ITGA9: variants seen among roughly 807,000 people sequenced by gnomAD.
ITGA9 encodes integrin alpha-9.
A neutral mutation model predicts 127.8 loss-of-function variants in ITGA9; 56 were observed. The observed-to-expected ratio is 0.44, with a 90% CI of 0.35 to 0.55. ITGA9 has a LOEUF of 0.55. Ranked by LOEUF, ITGA9 falls within the 20% of genes least tolerant of loss-of-function variation. The pLI is 0.00. For missense variants in ITGA9, 1,196 were observed against 1,347.1 expected (o/e 0.89, Z 1.76); for synonymous variants, 508 against 514.5 (o/e 0.99, Z 0.17).
At chr3:37,503,453 A>G in intron 6 of ITGA9, 146 bp downstream of exon 6, 3 of 853,476 alleles carry the variant, frequency 3.5e-6, no homozygotes, top group Non-Finnish European at 5.7e-6. Context: ...TAGCCAGGGC[A>G]TCTTCACATC....
intron 18 of ITGA9, among the ~76,000 whole-genome samples, chr3:37,700,542 G>C (rs1476833645): frequency 2.0e-5 from 3 of 151,806 alleles, no homozygotes; most frequent in Non-Finnish European, 1.5e-5. Context: ...AGAGATGGGG[G>C]TTTTGCCATG....
At chr3:37,776,892 A>T (rs35107818) in intron 23 of ITGA9, among the ~76,000 whole-genome samples, 9,468 of 152,242 alleles carry the variant, frequency 0.062, 375 homozygotes, top group Middle Eastern at 0.11. Flanking sequence ...AGGACCCCTA[A>T]GGAGTTTTAC....
chr3:37,636,865 C>G (rs1415475598), intron 16 of ITGA9, among the ~76,000 whole-genome samples: 1 of 151,740 alleles, frequency 6.6e-6, no homozygotes, highest in Non-Finnish European at 1.5e-5. Context: ...AGCCAGTTTT[C>G]CCAGCACCAT....
At chr3:37,605,744 G>A (rs1272186356) in intron 15 of ITGA9, among the ~76,000 whole-genome samples, 1 of 152,080 alleles carries the variant, frequency 6.6e-6, no homozygotes, top group African/African-American at 2.4e-5. Flanking sequence ...CCCTATATAA[G>A]GAATATGTTA....
At chr3:37,736,245 C>G (rs1483236205) in intron 19 of ITGA9, among the ~76,000 whole-genome samples, 1 of 152,110 alleles carries the variant, frequency 6.6e-6, no homozygotes, top group African/African-American at 2.4e-5. Flanking sequence ...CGGGGGGACA[C>G]AAACATTCAG....
Position 37,822,865 on chromosome 3 carries a change from A to C in ITGA9, c.*3876A>C, listed in dbSNP as rs1281651808. 1 of 152,202 alleles carries C rather than the reference A, an allele frequency of 6.6e-6. No homozygotes were observed. The highest frequency in any genetic ancestry group is 2.4e-5 in the African/African-American group (1 of 41,446). 9.4% of individuals were successfully genotyped at this position (152,202 alleles called of 1,614,324 possible). ...TACGTGTGAAACGTACATCTGGTGAACTGTATACTTGGCTCAAACTTCTCA... is the reference window on the plus strand; with the variant it reads ...TACGTGTGAAACGTACATCTGGTGACCTGTATACTTGGCTCAAACTTCTCA... On this transcript the variant is annotated 3_prime_UTR_variant, in exon 28 of 28. Coordinates refer to ENST00000264741, the MANE Select transcript of ITGA9 (RefSeq NM_002207.3).
At chr3:37,705,184 C>T (rs932239475) in intron 18 of ITGA9, among the ~76,000 whole-genome samples, 8 of 152,076 alleles carry the variant, frequency 5.3e-5, no homozygotes, top group Non-Finnish European at 8.8e-5. Flanking sequence ...TTAAGTATAC[C>T]GTTATCATTT....
At position 37,684,108 on chromosome 3, in the gene ITGA9, G is replaced by A. The variant is rs912577913; in HGVS notation, c.2067+93G>A. The A allele has an allele frequency of 4.7e-6, 5 of 1,071,194 alleles. No homozygotes were observed. The African/African-American group carries it at 6.2e-5, about 13-fold the overall frequency. 66.4% of individuals were successfully genotyped at this position (1,071,194 alleles called of 1,614,324 possible). On this transcript the variant is annotated intron_variant, in intron 18 of 27. Transcript: ENST00000264741. ...CCTGGAATAGGCAATGATTCTACAA[G>A]CACTAATCCTTTCTGTGGACTATCA...
intron 14 of ITGA9, among the ~76,000 whole-genome samples, chr3:37,537,127 A>G (rs1306143038): frequency 6.6e-6 from 1 of 152,224 alleles, no homozygotes; most frequent in Non-Finnish European, 1.5e-5. Context: ...AGCTTGGAGA[A>G]GGGGCCCTGC....
intron 15 of ITGA9, among the ~76,000 whole-genome samples, chr3:37,605,055 G>A (rs1377789682): frequency 1.3e-5 from 2 of 152,166 alleles, no homozygotes; most frequent in African/African-American, 4.8e-5. Context: ...ATAATTAGGG[G>A]TTGATTGTTA....
chr3:37,713,598 C>T (rs549315403), intron 18 of ITGA9, among the ~76,000 whole-genome samples: 9 of 152,214 alleles, frequency 5.9e-5, no homozygotes, highest in African/African-American at 1.7e-4. Flanking sequence ...GGAGGGGGTG[C>T]GGGAGGTACT....
intron 15 of ITGA9, among the ~76,000 whole-genome samples, chr3:37,595,082 T>C (rs1699856298): frequency 6.6e-6 from 1 of 152,078 alleles, no homozygotes; most frequent in Non-Finnish European, 1.5e-5. Context: ...CGCTTCCTTG[T>C]TTTGTTGTTT....
intron 15 of ITGA9, among the ~76,000 whole-genome samples, chr3:37,621,398 A>G (rs979889104): frequency 6.6e-6 from 1 of 152,218 alleles, no homozygotes; most frequent in African/African-American, 2.4e-5. Context: ...TTGTTCCCCC[A>G]TACCCACAGA....
At chr3:37,809,025 A>C (rs1697333327) in intron 27 of ITGA9, 1 of 152,110 alleles carries the variant, frequency 6.6e-6, no homozygotes, top group Non-Finnish European at 1.5e-5. Flanking sequence ...GGAGTGGCAA[A>C]GCCTTAGTGG....
chr3:37,570,558 G>A (rs1699590495), intron 15 of ITGA9, among the ~76,000 whole-genome samples: 1 of 152,148 alleles, frequency 6.6e-6, no homozygotes, highest in South Asian at 2.1e-4. Flanking sequence ...ATCTAATAAA[G>A]GAGTATGTGA....
intron 16 of ITGA9, among the ~76,000 whole-genome samples, chr3:37,639,934 C>T (rs1700316190): frequency 6.6e-6 from 1 of 152,184 alleles, no homozygotes; most frequent in Non-Finnish European, 1.5e-5. Flanking sequence ...ATCCCTCCTC[C>T]TCAGCTGAGC....
At chr3:37,608,760 T>C (rs1274885410) in intron 15 of ITGA9, among the ~76,000 whole-genome samples, 13 of 152,246 alleles carry the variant, frequency 8.5e-5, no homozygotes, top group Admixed American at 8.5e-4. Context: ...TGGTGTGTTT[T>C]ATACGTCTAG....
intron 15 of ITGA9, among the ~76,000 whole-genome samples, chr3:37,603,687 C>G (rs889580069): frequency 6.6e-6 from 1 of 152,224 alleles, no homozygotes; most frequent in Non-Finnish European, 1.5e-5. Flanking sequence ...TCACCAAACA[C>G]GTAGTGATGG....
intron 15 of ITGA9, among the ~76,000 whole-genome samples, chr3:37,556,411 G>A (rs1699431579): frequency 6.6e-6 from 1 of 152,212 alleles, no homozygotes; most frequent in Non-Finnish European, 1.5e-5. Flanking sequence ...AGCAGATGGT[G>A]AGAAGAAAAT....
Sources: gnomAD v4.1 joint callset for allele counts (sites outside exome capture counted in the v4.1 genomes callset) on GRCh38, gnomAD v4.1.1 for gene constraint, MANE v1.5 for transcripts, NCBI Gene and HGNC (gene_info 2026-07-23, HGNC 2026-07-21) for gene names.